TRPC5: variants seen among roughly 807,000 people sequenced by gnomAD.
The protein encoded by TRPC5 is transient receptor potential cation channel subfamily C member 5, also known as short transient receptor potential channel 5.
A neutral mutation model predicts 56.5 loss-of-function variants in TRPC5; 9 were observed. The observed-to-expected ratio is 0.16, with a 90% CI of 0.10 to 0.28. TRPC5 has a LOEUF of 0.28. TRPC5 is among the 10% of genes least tolerant of loss of function. The pLI, the probability that TRPC5 is intolerant of heterozygous loss-of-function variation, is 1.00. For synonymous variants in TRPC5, 282 were observed against 278.5 expected (o/e 1.01, Z -0.13); for missense variants, 469 against 748.9 (o/e 0.63, Z 4.36).
At chrX:111,805,291 G>A (rs945531481) in intron 7 of TRPC5, among the ~76,000 whole-genome samples, 2 of 111,864 alleles carry the variant, frequency 1.8e-5, no homozygotes, top group African/African-American at 6.5e-5. Context: ...ATGTTCATCA[G>A]GGATATTGGT....
At chrX:111,966,790 T>C (rs1231344468) in intron 1 of TRPC5, among the ~76,000 whole-genome samples, 1 of 107,535 alleles carries the variant, frequency 9.3e-6, no homozygotes, top group Non-Finnish European at 1.9e-5. Context: ...CTCTTCATGC[T>C]AAAAACTCTC....
intron 3 of TRPC5, among the ~76,000 whole-genome samples, chrX:111,874,030 A>G (rs1010846708): frequency 4.5e-5 from 5 of 111,359 alleles, no homozygotes; most frequent in African/African-American, 1.6e-4. Flanking sequence ...GAAAGGAAGG[A>G]TCCTCAATGC....
chrX:111,794,839 A>G (rs749665984), intron 7 of TRPC5, among the ~76,000 whole-genome samples: 7 of 111,773 alleles, frequency 6.3e-5, no homozygotes, highest in Non-Finnish European at 1.3e-4. Context: ...CAAAGGCCCC[A>G]TCTAATACCA....
rs1331558425 is a variant in TRPC5, at chrX:111,937,336, C to A, written c.378+14707G>T. ...GGTAGTTTCTTTTGCTGTGCAGAAG[C>A]TCTTTAGTTTAATTAGATCCCATTT... On this transcript the variant is annotated intron_variant, in intron 2 of 10. Coordinates refer to ENST00000262839, the MANE Select transcript of TRPC5 (RefSeq NM_012471.3). Among the ~76,000 whole-genome samples the A allele has an allele frequency of 1.2e-3, 125 of 101,844 alleles. 2 individuals are homozygous for A. The highest frequency in any genetic ancestry group is 4.5e-3 in the African/African-American group (120 of 26,545). 88.4% of individuals were successfully genotyped at this position (101,844 alleles called of 115,157 possible).
At chrX:112,050,182 A>AAAAC (rs368003010) in intron 1 of TRPC5, among the ~76,000 whole-genome samples, 8,562 of 110,192 alleles carry the variant, frequency 0.078, 322 homozygotes, top group African/African-American at 0.13. Flanking sequence ...AACAACAACA[A>AAAAC]AAACAAACAA....
At chrX:112,016,296 G>C (rs1373942762) in intron 1 of TRPC5, among the ~76,000 whole-genome samples, 4 of 110,556 alleles carry the variant, frequency 3.6e-5, no homozygotes, top group Non-Finnish European at 7.6e-5. Context: ...GCAATAAATG[G>C]GCCCAGTAGC....
intron 1 of TRPC5, among the ~76,000 whole-genome samples, chrX:112,005,190 C>G: frequency 9.0e-6 from 1 of 110,904 alleles, no homozygotes; most frequent in Non-Finnish European, 1.9e-5. Context: ...AGCCATTATC[C>G]TTAGCAGACT....
At position 111,980,911 on chromosome X, in the gene TRPC5, G is replaced by GTA. The variant is rs764889761; in HGVS notation, c.-21-28472_-21-28471dup. ...TAATATATATATATATTATATATAT[G>GTA]TATATATATATATACACACACACAC... On this transcript the variant is annotated intron_variant, in intron 1 of 10. Transcript: ENST00000262839. Among the ~76,000 whole-genome samples, 786 of 93,841 alleles carry GTA rather than the reference G, an allele frequency of 8.4e-3. 5 individuals carry two copies. The highest frequency in any genetic ancestry group is 0.028 in the African/African-American group (673 of 23,663). The allele number at this position is 93,841 out of a possible 115,157, so 81.5% of individuals were successfully genotyped here.
At chrX:111,982,889 T>C (rs989374316) in intron 1 of TRPC5, among the ~76,000 whole-genome samples, 28 of 111,099 alleles carry the variant, frequency 2.5e-4, no homozygotes, top group African/African-American at 9.2e-4. Context: ...ATCTTGGCTA[T>C]GGGAGCACAG....
Position 111,852,401 on chromosome X carries a change from C to T in TRPC5, c.1274G>A (p.Gly425Asp), listed in dbSNP as rs1282647778. 5.0e-6 allele frequency: 6 copies of T among 1,207,549 alleles called. No homozygotes were observed. In the East Asian group the frequency reaches 1.8e-4, roughly 36 times the overall value. Residue 425 changes from glycine to aspartate, a missense_variant, in exon 5 of 11, where the codon GGT becomes GAT. Physicochemically the swap from Gly to Asp is moderately conservative, Grantham distance 94. This residue lies in a region of TRPC5 where 157 missense variants were observed against 360.0 expected (regional missense o/e 0.44). Coordinates refer to ENST00000262839, the MANE Select transcript of TRPC5 (RefSeq NM_012471.3). ...GTCATGGATGTATTCAGTAAATCCACCATCCCACATTTCCTTAATCTCACC... is the reference window on the plus strand; with the variant it reads ...GTCATGGATGTATTCAGTAAATCCATCATCCCACATTTCCTTAATCTCACC... Reference protein sequence around the residue: ...IWGEIKEMWDGGFTEYIHDWW... With the variant: ...IWGEIKEMWDDGFTEYIHDWW...
rs1406226710 is a variant in TRPC5, at chrX:111,842,132, G to GTATATATATATATTA, written c.1700+4981_1700+4982insTAATATATATATATA. ...ATATATATATATTTTATATATATATGTATATATATATATATGTATATTTTA... is the reference window on the plus strand; with the variant it reads ...ATATATATATATTTTATATATATATGTATATATATATATTATATATATATATATATGTATATTTTA... On this transcript the variant is annotated intron_variant, in intron 6 of 10. Coordinates refer to ENST00000262839, the MANE Select transcript of TRPC5 (RefSeq NM_012471.3). Among the ~76,000 whole-genome samples, 4 of 77,201 alleles carry GTATATATATATATTA rather than the reference G, an allele frequency of 5.2e-5. 1 individual carries two copies. The highest frequency in any genetic ancestry group is 4.6e-4 in the African/African-American group (4 of 8,634). The allele number at this position is 77,201 out of a possible 115,157, so 67.0% of individuals were successfully genotyped here. A position where few individuals can be genotyped will look rare whatever the true frequency, so the allele number is the denominator to read the frequency against.
intron 1 of TRPC5, among the ~76,000 whole-genome samples, chrX:111,967,334 A>C (rs1181684452): frequency 9.0e-6 from 1 of 111,015 alleles, no homozygotes; most frequent in African/African-American, 3.3e-5. Context: ...AAAAGAGGAT[A>C]CAAACAAATG....
At chrX:111,919,456 A>G (rs906042922) in intron 2 of TRPC5, among the ~76,000 whole-genome samples, 1 of 112,104 alleles carries the variant, frequency 8.9e-6, no homozygotes, top group Non-Finnish European at 1.9e-5. Flanking sequence ...TAGAGCTGTA[A>G]CACTCAACGC....
chrX:111,953,732 A>G (rs1464357705), intron 1 of TRPC5, among the ~76,000 whole-genome samples: 1 of 112,598 alleles, frequency 8.9e-6, no homozygotes, highest in Non-Finnish European at 1.9e-5. Context: ...GTAAGAAAAG[A>G]TAAAGACATG....
chrX:111,912,180 A>G (rs1925839108), intron 3 of TRPC5, 111 bp downstream of exon 3: 4 of 933,180 alleles, frequency 4.3e-6, no homozygotes, highest in Non-Finnish European at 5.8e-6. Flanking sequence ...GGCCTGCCCA[A>G]CCATTTGTTT....
chrX:111,923,295 CCAGA>C (rs1451113493), intron 2 of TRPC5, among the ~76,000 whole-genome samples: 1 of 112,063 alleles, frequency 8.9e-6, no homozygotes, highest in African/African-American at 3.2e-5. Context: ...CTACCTTAAA[CCAGA>C]CAAACATTAC....
At position 111,776,882 on chromosome X, in the gene TRPC5, CATT is replaced by C; in HGVS notation, c.2350_2352del (p.Asn784del). On this transcript the variant is annotated inframe_deletion, in exon 11 of 11. Coordinates refer to ENST00000262839, the MANE Select transcript of TRPC5 (RefSeq NM_012471.3). ...TTGGCCCGAGCCCCACCACTGCCAT[CATT>C]ATTATCGTCTCTCTGAGACAGTTCA... 1 of 1,211,465 alleles carries C rather than the reference CATT, an allele frequency of 8.3e-7. No individual in the cohort carries two copies. Among genetic ancestry groups the C allele is most frequent in the Non-Finnish European group, 1.1e-6 (1 of 895,390 alleles).
At chrX:111,909,174 C>CA (rs1491526621) in intron 3 of TRPC5, among the ~76,000 whole-genome samples, 5 of 88,077 alleles carry the variant, frequency 5.7e-5, no homozygotes, top group Admixed American at 2.5e-4. Flanking sequence ...AAAAAAAAAA[C>CA]CAAAAATTTT....
intron 1 of TRPC5, among the ~76,000 whole-genome samples, chrX:112,005,935 T>C (rs1339983874): frequency 9.0e-6 from 1 of 111,551 alleles, no homozygotes; most frequent in Admixed American, 9.5e-5. Flanking sequence ...GACCATGGGT[T>C]CCCAGGAGAA....
Sources: allele counts gnomAD v4.1 joint callset (sites outside exome capture counted in the v4.1 genomes callset), GRCh38; gene constraint gnomAD v4.1.1; regional missense constraint gnomAD v4.1.1; transcripts MANE v1.5; gene names NCBI Gene and HGNC (gene_info 2026-07-23, HGNC 2026-07-21).